The following GALNT2 variants were observed in gnomAD, a reference collection of about 807,000 sequenced individuals.
GALNT2 encodes the protein UDP-GalNAc:polypeptide N-acetylgalactosaminyltransferase 2.
In GALNT2, 31 loss-of-function variants were observed where a neutral mutation model predicts 81.4. The ratio of observed to expected loss-of-function variants is 0.38; its 90% CI spans 0.29 to 0.51. GALNT2 has a LOEUF of 0.51. GALNT2 is among the 20% of genes least tolerant of loss of function. GALNT2 has a pLI of 0.87. For missense variants in GALNT2, 629 were observed against 765.7 expected, an observed-to-expected ratio of 0.82 and a Z score of 2.11; for synonymous variants, 303 against 287.4, an observed-to-expected ratio of 1.05 and a Z score of -0.55.
intron 1 of GALNT2, among the ~76,000 whole-genome samples, chr1:230,138,667 G>T (rs11587292): frequency 1.3e-5 from 2 of 151,994 alleles, no homozygotes; most frequent in African/African-American, 2.4e-5. Context: ...TATGAGTTTC[G>T]TGGGAAAGGG....
At chr1:230,087,029 G>A (rs1558277326) in intron 1 of GALNT2, among the ~76,000 whole-genome samples, 1 of 152,216 alleles carries the variant, frequency 6.6e-6, no homozygotes, top group Non-Finnish European at 1.5e-5. Context: ...CCCACACCAG[G>A]CACGTAGGGA....
intron 1 of GALNT2, among the ~76,000 whole-genome samples, chr1:230,073,897 C>CT (rs1659448772): frequency 2.0e-5 from 3 of 152,134 alleles, no homozygotes; most frequent in Non-Finnish European, 4.4e-5. Context: ...CTCTGCTGAC[C>CT]ACCTCCTCCT....
At chr1:230,166,051 T>A (rs1453541588) in intron 1 of GALNT2, among the ~76,000 whole-genome samples, 1 of 152,188 alleles carries the variant, frequency 6.6e-6, no homozygotes, top group South Asian at 2.1e-4. Context: ...TGTGTTTACC[T>A]GTCTTTAAAG....
chr1:230,114,871 A>C (rs370334340), intron 1 of GALNT2, among the ~76,000 whole-genome samples: 1 of 152,178 alleles, frequency 6.6e-6, no homozygotes, highest in Non-Finnish European at 1.5e-5. Flanking sequence ...CAGAAGGTAC[A>C]GAGAGTGCCT....
At chr1:230,264,550 C>T (rs1335178373) in intron 13 of GALNT2, 2 of 152,336 alleles carry the variant, frequency 1.3e-5, no homozygotes, top group Non-Finnish European at 2.9e-5. Flanking sequence ...ACATCAGCCT[C>T]GTGTTTTGTG....
At position 230,162,917 on chromosome 1, in the gene GALNT2, G is replaced by A. The variant is rs560079818; in HGVS notation, c.127-15301G>A. 2.1e-4 allele frequency among the ~76,000 whole-genome samples: 32 copies of A among 152,324 alleles called. No homozygotes were observed. In the South Asian group the frequency reaches 6.2e-3, roughly 30 times the overall value. On this transcript the variant is annotated intron_variant, in intron 1 of 15. Coordinates refer to ENST00000366672, the MANE Select transcript of GALNT2 (RefSeq NM_004481.5). ...CATACTGTGTTGAACTTAAGCATGAGAATGGACAATTTCCCCTGTAACTTT... is the reference window on the plus strand; with the variant it reads ...CATACTGTGTTGAACTTAAGCATGAAAATGGACAATTTCCCCTGTAACTTT...
intron 14 of GALNT2, among the ~76,000 whole-genome samples, chr1:230,267,090 C>G (rs1331311525): frequency 6.6e-6 from 1 of 152,246 alleles, no homozygotes; most frequent in Non-Finnish European, 1.5e-5. Context: ...GTCCCCCTCT[C>G]TTCCTTGTGC....
intron 1 of GALNT2, among the ~76,000 whole-genome samples, chr1:230,132,597 C>T (rs369791553): frequency 1.3e-5 from 2 of 152,168 alleles, no homozygotes; most frequent in African/African-American, 2.4e-5. Flanking sequence ...GACATGCAGA[C>T]TGTCTTGGAA....
chr1:230,142,935 G>A (rs1661794678), intron 1 of GALNT2, among the ~76,000 whole-genome samples: 1 of 152,152 alleles, frequency 6.6e-6, no homozygotes. Context: ...TGGGTCCTGG[G>A]GGCCAGCAAT....
intron 7 of GALNT2, among the ~76,000 whole-genome samples, chr1:230,245,086 G>C (rs1265490641): frequency 6.6e-6 from 1 of 152,106 alleles, no homozygotes; most frequent in Non-Finnish European, 1.5e-5. Context: ...ATGTTAAAAG[G>C]CCTTATGTTC....
At chr1:230,108,185 T>G (rs1660597197) in intron 1 of GALNT2, among the ~76,000 whole-genome samples, 1 of 152,180 alleles carries the variant, frequency 6.6e-6, no homozygotes, top group African/African-American at 2.4e-5. Context: ...GGCACAGTCC[T>G]GAAAGAGCAC....
In GALNT2 at chr1:230,278,544, G is replaced by T. The variant is rs77526598; in HGVS notation, c.1561-759G>T. Among the ~76,000 whole-genome samples, 332 of 152,200 alleles carry T rather than the reference G, an allele frequency of 2.2e-3. 1 individual carries two copies. Among genetic ancestry groups the T allele is most frequent in the African/African-American group, 7.7e-3 (318 of 41,526 alleles). On this transcript the variant is annotated intron_variant, in intron 15 of 15. Transcript: ENST00000366672. ...ACGGGTATGTGGGTTGAGTTTGGTT[G>T]TTCGCTTGATTTGAGTGTTAGTAAA... is the stretch of plus-strand genomic sequence containing the variant.
At chr1:230,153,302 ACT>A (rs1266426159) in intron 1 of GALNT2, among the ~76,000 whole-genome samples, 1 of 152,144 alleles carries the variant, frequency 6.6e-6, no homozygotes, top group African/African-American at 2.4e-5. Context: ...CCTGAGACAA[ACT>A]CAGATGTCTG....
At chr1:230,171,949 C>T (rs1314123012) in intron 1 of GALNT2, among the ~76,000 whole-genome samples, 1 of 151,948 alleles carries the variant, frequency 6.6e-6, no homozygotes, top group East Asian at 1.9e-4. Flanking sequence ...AAATGACTGG[C>T]TGGGTGCAGC....
At chr1:230,219,280 A>G (rs7522485) in intron 3 of GALNT2, among the ~76,000 whole-genome samples, 22,491 of 152,104 alleles carry the variant, frequency 0.15, 1,862 homozygotes, top group African/African-American at 0.22. Flanking sequence ...TGTTCTTGAT[A>G]TTCACATATA....
At chr1:230,203,824 A>C (rs963089838) in intron 3 of GALNT2, among the ~76,000 whole-genome samples, 1 of 152,012 alleles carries the variant, frequency 6.6e-6, no homozygotes, top group Non-Finnish European at 1.5e-5. Context: ...TCTTGTCCAC[A>C]TCTTTCTTTC....
chr1:230,256,432 C>G lies in GALNT2; in HGVS notation c.1136+1088C>G, dbSNP rs1268100861. On this transcript the variant is annotated intron_variant, in intron 11 of 15. Transcript: ENST00000366672. ...CTGCACTCCAACCTGGGCAACAGAGCGAGACTCTGTCTCAAAAAAAAAAAA... is the reference window on the plus strand; with the variant it reads ...CTGCACTCCAACCTGGGCAACAGAGGGAGACTCTGTCTCAAAAAAAAAAAA... 2.1e-5 allele frequency among the ~76,000 whole-genome samples: 3 copies of G among 140,028 alleles called. No individual in the cohort carries two copies. The East Asian group carries it at 6.4e-4, about 30-fold the overall frequency. 91.9% of individuals were successfully genotyped at this position (140,028 alleles called of 152,430 possible). A position where few individuals can be genotyped will look rare whatever the true frequency, so the allele number is the denominator to read the frequency against.
In GALNT2 at chr1:230,255,320, G is replaced by T; in HGVS notation, c.1112G>T (p.Gly371Val). The T allele has an allele frequency of 1.2e-6, 2 of 1,614,246 alleles. No individual in the cohort carries two copies. The highest frequency in any genetic ancestry group is 1.7e-6 in the Non-Finnish European group (2 of 1,180,044). ...AAGCAGCACCCCTACACGTTCCCGG[G>T]TGGCAGTGGCACTGTCTTTGCCCGG... is the stretch of plus-strand genomic sequence containing the variant. ...FRKQHPYTFP[G>V]GSGTVFARNT... Residue 371 changes from glycine to valine, a missense_variant, in exon 11 of 16, where the codon GGT (glycine) becomes GTT (valine). Transcript: ENST00000366672.
chr1:230,147,737 C>A (rs1661963954), intron 1 of GALNT2, among the ~76,000 whole-genome samples: 1 of 152,236 alleles, frequency 6.6e-6, no homozygotes, highest in Admixed American at 6.5e-5. Flanking sequence ...GTCCCTCCTT[C>A]CTGCCCTGTT....
Sources: allele counts gnomAD v4.1 joint callset (sites outside exome capture counted in the v4.1 genomes callset), GRCh38; gene constraint gnomAD v4.1.1; transcripts MANE v1.5; gene names NCBI Gene and HGNC (gene_info 2026-07-23, HGNC 2026-07-21).